RTTN: variants seen among roughly 807,000 people sequenced by gnomAD.
RTTN encodes the protein rotatin.
RTTN carries 182 observed loss-of-function variants against 269.2 expected under a neutral mutation model. That is an observed-to-expected ratio of 0.68 (90% CI 0.60 to 0.76). The LOEUF (loss-of-function observed/expected upper bound fraction) is 0.76, where lower values mean the gene tolerates loss of function less well. RTTN is among the 30% of genes least tolerant of loss of function. The pLI, the probability that RTTN is intolerant of heterozygous loss-of-function variation, is 0.00. For synonymous variants in RTTN, 1,006 were observed against 963.5 expected (o/e 1.04, Z -0.82); for missense variants, 2,545 against 2,608.6 (o/e 0.98, Z 0.53).
chr18:70,005,284 A>T lies in RTTN; in HGVS notation c.6526-17T>A. 1 of 1,600,294 alleles carries T rather than the reference A, an allele frequency of 6.2e-7. No individual in the cohort carries two copies. The highest frequency in any genetic ancestry group is 8.6e-7 in the Non-Finnish European group (1 of 1,169,196). On this transcript the variant is annotated splice_polypyrimidine_tract_variant and intron_variant, in intron 47 of 48. Coordinates refer to ENST00000640769, the MANE Select transcript of RTTN (RefSeq NM_173630.4). ...TGTTTTTGCCTAGAACAATCCATTA[A>T]TTAGGTTTCTTGCCATGTGTTATGG... is the stretch of plus-strand genomic sequence containing the variant.
chr18:70,067,791 G>T (rs2058183681), intron 34 of RTTN, among the ~76,000 whole-genome samples: 1 of 152,126 alleles, frequency 6.6e-6, no homozygotes, highest in Non-Finnish European at 1.5e-5. Flanking sequence ...GATCGGTGTG[G>T]GAAAAGAAAG....
At chr18:70,062,460 GTATTT>G (rs1378212626) in intron 35 of RTTN, among the ~76,000 whole-genome samples, 1 of 151,854 alleles carries the variant, frequency 6.6e-6, no homozygotes, top group African/African-American at 2.4e-5. Context: ...ATAGATACAC[GTATTT>G]TAAATTTCCC....
At chr18:70,154,459 C>T (rs776771470) in intron 14 of RTTN, among the ~76,000 whole-genome samples, 19 of 152,184 alleles carry the variant, frequency 1.2e-4, no homozygotes, top group East Asian at 1.9e-4. Context: ...TTTTAAATTT[C>T]GGGGTATAAT....
rs763422569 is a variant in RTTN at position 70,190,539 on chromosome 18, T to C, written c.1188A>G (p.Thr396=). 7 of 1,601,184 alleles carry C rather than the reference T, an allele frequency of 4.4e-6. No individual in the cohort carries two copies. In the Admixed American group the frequency reaches 1.0e-4, roughly 23 times the overall value. The change falls in exon 9 of 49, where the codon ACA becomes ACG. Residue 396 remains threonine (T), a splice_region_variant and synonymous_variant. Transcript: ENST00000640769. ...ATTACGATTTCTAAAACAACTAACC[T>C]GTTCTTAAGAGAGGAACAGCTGATT... ...ILESAVPLLR[T]GSRQVIIRVL... is the part of the protein sequence containing the mutation.
intron 32 of RTTN, among the ~76,000 whole-genome samples, chr18:70,084,822 A>G (rs1244145795): frequency 3.3e-5 from 5 of 152,172 alleles, no homozygotes; most frequent in Non-Finnish European, 7.4e-5. Context: ...AACTTAAATC[A>G]CTATTTTCCA....
chr18:70,159,439 A>C (rs2060769149), intron 14 of RTTN, among the ~76,000 whole-genome samples: 1 of 152,200 alleles, frequency 6.6e-6, no homozygotes, highest in South Asian at 2.1e-4. Context: ...CAGCTAAGGC[A>C]GTGTTAAGAG....
At chr18:70,025,103 T>C (rs1264388439) in intron 43 of RTTN, among the ~76,000 whole-genome samples, 1 of 152,148 alleles carries the variant, frequency 6.6e-6, no homozygotes, top group Admixed American at 6.5e-5. Context: ...AAATAGCCTG[T>C]GTAACATGTA....
intron 32 of RTTN, among the ~76,000 whole-genome samples, chr18:70,075,912 T>C (rs981948692): frequency 6.6e-6 from 1 of 152,086 alleles, no homozygotes; most frequent in African/African-American, 2.4e-5. Context: ...TGTTAAAATA[T>C]ATGAAATAAG....
At chr18:70,008,848 A>C (rs1180853079) in intron 46 of RTTN, 1 of 152,188 alleles carries the variant, frequency 6.6e-6, no homozygotes, top group Non-Finnish European at 1.5e-5. Flanking sequence ...CAGGATATTA[A>C]ATGCAAGAGA....
intron 10 of RTTN, among the ~76,000 whole-genome samples, chr18:70,182,111 A>G (rs568770226): frequency 4.5e-4 from 69 of 152,338 alleles, no homozygotes; most frequent in Non-Finnish European, 8.8e-4. Flanking sequence ...AAGTACTACA[A>G]AATAGTGTGA....
In RTTN at chr18:70,197,708, G is replaced by C. The variant is rs1230351346; in HGVS notation, c.609C>G (p.Ile203Met). 8 of 1,611,660 alleles carry C rather than the reference G, an allele frequency of 5.0e-6. No individual in the cohort carries two copies. Among genetic ancestry groups the C allele is most frequent in the Non-Finnish European group, 6.8e-6 (8 of 1,177,934 alleles). ...CCTTCAATAGTTCACAGGTGTTCCA[G>C]ATTAAAGTGTGGTTACTACTTCTTA... ...SSLRSSNHTL[I>M]WNTCELLKDV... The change falls in exon 6 of 49, where the codon ATC (isoleucine) becomes ATG (methionine). Residue 203 changes from isoleucine (I) to methionine (M), a missense_variant. Coordinates refer to ENST00000640769, the MANE Select transcript of RTTN (RefSeq NM_173630.4).
chr18:70,187,262 G>A (rs1019850260), intron 10 of RTTN, among the ~76,000 whole-genome samples: 9 of 152,008 alleles, frequency 5.9e-5, no homozygotes, highest in African/African-American at 1.7e-4. Context: ...CACATAAGAC[G>A]TATTTTTAAG....
At chr18:70,113,153 G>A (rs2059517085) in intron 27 of RTTN, among the ~76,000 whole-genome samples, 1 of 152,026 alleles carries the variant, frequency 6.6e-6, no homozygotes, top group Admixed American at 6.6e-5. Context: ...GAATCTCTGG[G>A]ACATATTTAA....
rs764086082 is a variant in RTTN, at chr18:70,204,152, C to T, written c.331G>A (p.Gly111Arg). ...LQAEIDGILD[G>R]LFLLPSEVPA... ...ACTTCCGAAGGAAGAAGAAAAAGTC[C>T]ATCCAGAATGCCATCAATTTCAGCC... The change falls in exon 3 of 49, where the codon GGA becomes AGA. Residue 111 changes from glycine to arginine, a missense_variant. By Grantham distance (125) the Gly-to-Arg change is moderately radical. Coordinates refer to ENST00000640769, the MANE Select transcript of RTTN (RefSeq NM_173630.4). 1.1e-5 allele frequency: 18 copies of T among 1,614,032 alleles called. No homozygotes were observed. In the South Asian group the frequency reaches 1.9e-4, roughly 17 times the overall value.
intron 32 of RTTN, among the ~76,000 whole-genome samples, chr18:70,076,132 T>C (rs2058423975): frequency 6.6e-6 from 1 of 152,032 alleles, no homozygotes; most frequent in African/African-American, 2.4e-5. Flanking sequence ...TACACAATTT[T>C]TCTCTTTGCA....
At chr18:70,167,471 C>G (rs893608327) in intron 12 of RTTN, among the ~76,000 whole-genome samples, 1 of 152,200 alleles carries the variant, frequency 6.6e-6, no homozygotes, top group African/African-American at 2.4e-5. Flanking sequence ...CAGTGGCTCC[C>G]AGCACTTCGG....
chr18:70,150,871 A>T (rs1453752499), intron 14 of RTTN, 138 bp from the exon 15 acceptor site: 1 of 504,222 alleles, frequency 2.0e-6, no homozygotes, highest in African/African-American at 2.4e-5. Flanking sequence ...ACAGAATGAA[A>T]AAGATTCTCC....
chr18:70,174,683 GA>G (rs2061240028), intron 11 of RTTN, among the ~76,000 whole-genome samples: 2 of 150,666 alleles, frequency 1.3e-5, no homozygotes, highest in Non-Finnish European at 1.5e-5. Flanking sequence ...TAATTAAATG[GA>G]AAATGTATGT....
At chr18:70,174,988 A>G (rs185325638) in intron 11 of RTTN, among the ~76,000 whole-genome samples, 1 of 146,252 alleles carries the variant, frequency 6.8e-6, no homozygotes, top group African/African-American at 2.5e-5. Flanking sequence ...AGAAAGTGCC[A>G]CTGCACTCCA....
Sources: allele counts gnomAD v4.1 joint callset (sites outside exome capture counted in the v4.1 genomes callset), GRCh38; gene constraint gnomAD v4.1.1; transcripts MANE v1.5; gene names NCBI Gene and HGNC (gene_info 2026-07-23, HGNC 2026-07-21).